GPD2: variants seen among roughly 807,000 people sequenced by gnomAD.
The protein encoded by GPD2 is glycerol-3-phosphate dehydrogenase 2.
A neutral mutation model predicts 82.4 loss-of-function variants in GPD2; 54 were observed. That is an observed-to-expected ratio of 0.66 (90% CI 0.53 to 0.82). GPD2 has a LOEUF of 0.82. Ranked by LOEUF, GPD2 falls within the 40% of genes least tolerant of loss-of-function variation. The pLI, the probability that GPD2 is intolerant of heterozygous loss-of-function variation, is 0.00. For synonymous variants in GPD2, 288 were observed against 306.1 expected (o/e 0.94, Z 0.62); for missense variants, 748 against 896.2 (o/e 0.83, Z 2.11).
intron 2 of GPD2, among the ~76,000 whole-genome samples, chr2:156,490,005 A>G (rs910167048): frequency 1.3e-5 from 2 of 150,972 alleles, no homozygotes; most frequent in African/African-American, 4.9e-5. Flanking sequence ...GCCTATGGCC[A>G]TTCCAAGGCT....
At chr2:156,458,776 G>T (rs1478849358) in intron 1 of GPD2, among the ~76,000 whole-genome samples, 1 of 151,882 alleles carries the variant, frequency 6.6e-6, no homozygotes, top group Non-Finnish European at 1.5e-5. Context: ...TTTTTTTCAG[G>T]TCTCTTTCTC....
chr2:156,580,030 T>G (rs1004660202), intron 16 of GPD2, among the ~76,000 whole-genome samples: 1 of 152,326 alleles, frequency 6.6e-6, no homozygotes, highest in South Asian at 2.1e-4. Flanking sequence ...CAATTTAGAT[T>G]AAATCCAAGT....
intron 13 of GPD2, among the ~76,000 whole-genome samples, chr2:156,576,466 T>A (rs1209729749): frequency 1.3e-5 from 2 of 149,450 alleles, no homozygotes. Flanking sequence ...TAAGCTGTGA[T>A]AAAAAAAAAA....
intron 2 of GPD2, among the ~76,000 whole-genome samples, chr2:156,480,036 CTATT>C (rs1399444231): frequency 2.0e-5 from 3 of 152,118 alleles, no homozygotes; most frequent in Admixed American, 6.6e-5. Flanking sequence ...TTGTGATTCA[CTATT>C]TAGTATAGGT....
intron 3 of GPD2, among the ~76,000 whole-genome samples, chr2:156,509,524 T>C (rs1684908359): frequency 6.6e-6 from 1 of 152,146 alleles, no homozygotes; most frequent in South Asian, 2.1e-4. Context: ...AAACTCCTCA[T>C]GGCTTGGTGT....
intron 6 of GPD2, among the ~76,000 whole-genome samples, chr2:156,532,175 T>TA (rs1228990396): frequency 6.6e-6 from 1 of 152,052 alleles, no homozygotes; most frequent in Non-Finnish European, 1.5e-5. Context: ...TTTTTATTTT[T>TA]AAAAAACTCT....
At chr2:156,582,468 C>A in intron 16 of GPD2, among the ~76,000 whole-genome samples, 2 of 128,644 alleles carry the variant, frequency 1.6e-5, no homozygotes, top group African/African-American at 6.1e-5. Flanking sequence ...ATTAAAGATC[C>A]AATATTTGAA....
the GPD2 span, among the ~76,000 whole-genome samples, chr2:156,400,813 G>T: frequency 6.6e-6 from 1 of 152,158 alleles, no homozygotes; most frequent in Non-Finnish European, 1.5e-5. Context: ...CATGTGTGAG[G>T]TCCCGGGTTC....
At chr2:156,452,315 G>A (rs560282764) in intron 1 of GPD2, among the ~76,000 whole-genome samples, 136 of 152,376 alleles carry the variant, frequency 8.9e-4, no homozygotes, top group South Asian at 1.9e-3. Context: ...ACCTCTGGAG[G>A]CCGAGGCTGG....
intron 1 of GPD2, among the ~76,000 whole-genome samples, chr2:156,442,922 C>T (rs535298585): frequency 1.5e-4 from 23 of 152,190 alleles, no homozygotes; most frequent in Non-Finnish European, 3.1e-4. Context: ...TTACTCTGCC[C>T]TATTTGATCA....
At chr2:156,550,772 G>A (rs764468155) in intron 8 of GPD2, 26 bp downstream of exon 8, 68 of 1,603,036 alleles carry the variant, frequency 4.2e-5, no homozygotes, top group Non-Finnish European at 5.7e-5. Context: ...TGTGGCAGTT[G>A]TCACCCAAAA....
intron 1 of GPD2, among the ~76,000 whole-genome samples, chr2:156,437,663 C>A (rs930882497): frequency 1.3e-5 from 2 of 152,164 alleles, no homozygotes; most frequent in African/African-American, 4.8e-5. Context: ...TGAGAACCAA[C>A]AATGGATTCA....
chr2:156,452,281 C>T (rs1334195331), intron 1 of GPD2, among the ~76,000 whole-genome samples: 1 of 152,262 alleles, frequency 6.6e-6, no homozygotes, highest in African/African-American at 2.4e-5. Context: ...ACTGAGTGAA[C>T]CAGACTCCGT....
intron 3 of GPD2, among the ~76,000 whole-genome samples, chr2:156,503,653 A>C (rs1346552522): frequency 6.6e-6 from 1 of 152,218 alleles, no homozygotes; most frequent in Non-Finnish European, 1.5e-5. Flanking sequence ...AATTTTAAAA[A>C]AGCAAGTTGT....
intron 1 of GPD2, among the ~76,000 whole-genome samples, chr2:156,462,304 A>T (rs1478456057): frequency 2.0e-5 from 3 of 151,558 alleles, no homozygotes; most frequent in Non-Finnish European, 4.4e-5. Context: ...TTCTTTTTTG[A>T]GATGGAGTTT....
chr2:156,569,963 T>C (rs1332748097), intron 11 of GPD2, 124 bp from the exon 12 acceptor site: 1 of 829,616 alleles, frequency 1.2e-6, no homozygotes, highest in Non-Finnish European at 2.0e-6. Flanking sequence ...AATATAATAC[T>C]CTCCGAGAGC....
intron 6 of GPD2, among the ~76,000 whole-genome samples, chr2:156,522,643 C>A (rs916953746): frequency 6.6e-6 from 1 of 151,464 alleles, no homozygotes; most frequent in Non-Finnish European, 1.5e-5. Context: ...CTACCACCAC[C>A]AATGTTTTAC....
chr2:156,580,442 T>C (rs1687986801), intron 16 of GPD2, among the ~76,000 whole-genome samples: 1 of 152,208 alleles, frequency 6.6e-6, no homozygotes, highest in South Asian at 2.1e-4. Flanking sequence ...CTACATATCG[T>C]TTCTTAAAAG....
At chr2:156,466,655 T>A (rs1683158372) in intron 1 of GPD2, among the ~76,000 whole-genome samples, 1 of 152,216 alleles carries the variant, frequency 6.6e-6, no homozygotes, top group African/African-American at 2.4e-5. Context: ...ATTTTTTGTT[T>A]TAGAGGACTT....
Sources: allele counts gnomAD v4.1 joint callset (sites outside exome capture counted in the v4.1 genomes callset), GRCh38; gene constraint gnomAD v4.1.1; transcripts MANE v1.5; gene names NCBI Gene and HGNC (gene_info 2026-07-23, HGNC 2026-07-21).